RORC: variants seen among roughly 807,000 people sequenced by gnomAD.
The protein encoded by RORC is RAR related orphan receptor C, also known as nuclear receptor ROR-gamma.
Under a neutral mutation model 64.5 loss-of-function variants are expected in RORC, and 13 were observed. That is an observed-to-expected ratio of 0.20 (90% CI 0.13 to 0.32). The LOEUF (loss-of-function observed/expected upper bound fraction) is 0.32. Among genes scored for constraint, RORC ranks in the 10% least tolerant of loss-of-function variants. RORC has a pLI of 1.00. For missense variants in RORC, 468 were observed against 669.5 expected (o/e 0.70, Z 3.32); for synonymous variants, 277 against 259.3 (o/e 1.07, Z -0.65).
intron 2 of RORC, among the ~76,000 whole-genome samples, chr1:151,823,597 ATCT>A (rs1652077432): frequency 6.6e-6 from 1 of 151,730 alleles, no homozygotes; most frequent in Non-Finnish European, 1.5e-5. Context: ...GTGCCTTGTG[ATCT>A]TCTGCATTCC....
chr1:151,808,777 A>C (rs1651408767), intron 10 of RORC, among the ~76,000 whole-genome samples: 1 of 152,218 alleles, frequency 6.6e-6, no homozygotes, highest in South Asian at 2.1e-4. Context: ...TGTATCAGAT[A>C]ATAAGTTCTT....
chr1:151,810,829 G>A (rs537304417), intron 10 of RORC, among the ~76,000 whole-genome samples: 83 of 152,316 alleles, frequency 5.4e-4, no homozygotes, highest in African/African-American at 1.9e-3. Context: ...CACTGTGCCC[G>A]GCTGCTACAC....
chr1:151,807,658 G>A lies in RORC; in HGVS notation c.1396-25C>T. 6.2e-7 allele frequency: 1 copy of A among 1,612,734 alleles called. No individual in the cohort carries two copies. The highest frequency in any genetic ancestry group is 8.5e-7 in the Non-Finnish European group (1 of 1,179,144). On this transcript the variant is annotated intron_variant, in intron 10 of 10. Coordinates refer to ENST00000318247, the MANE Select transcript of RORC (RefSeq NM_005060.4). The surrounding 1 kb of genome is among the most constrained non-coding windows in gnomAD (Gnocchi z 5.0). ...GCTGGATATGGGTTAATGGGGAAGG[G>A]AGGGTCAATACTTCAGCTCTCCTCA...
Position 151,814,589 on chromosome 1 carries a change from A to G in RORC, c.918T>C (p.Thr306=), listed in dbSNP as rs764387593. ...CTGGCCTCACCTTCCTCTGGTAGCC[A>G]GTCACTTCCTCCCGGGAGAAGATGT... ...RSNIFSREEV[T]GYQRKSMWEM... is the part of the protein sequence containing the mutation. The change falls in exon 6 of 11, where the codon ACT becomes ACC. Residue 306 remains threonine, a synonymous_variant. Transcript: ENST00000318247. 1 of 1,612,430 alleles carries G rather than the reference A, an allele frequency of 6.2e-7. No individual in the cohort carries two copies. The highest frequency in any genetic ancestry group is 1.7e-5 in the Admixed American group (1 of 59,860).
rs908045143 is a variant in RORC at position 151,807,755 on chromosome 1, C to G, written c.1396-122G>C. On this transcript the variant is annotated intron_variant, in intron 10 of 10. Coordinates refer to ENST00000318247, the MANE Select transcript of RORC (RefSeq NM_005060.4). This position sits in a 1 kb window ranked among gnomAD's most constrained non-coding sequence, Gnocchi z 5.0. ...TTGCCTTCCCCTTATGTACTTGGCA[C>G]TTTGGCACCAGCCAAATCCCACTGG... is the stretch of plus-strand genomic sequence containing the variant. 1.9e-6 allele frequency: 2 copies of G among 1,044,664 alleles called. No homozygotes were observed. The highest frequency in any genetic ancestry group is 2.8e-6 in the Non-Finnish European group (2 of 725,988). 64.7% of individuals were successfully genotyped at this position (1,044,664 alleles called of 1,614,324 possible).
At chr1:151,824,495 C>G (rs897760940) in intron 2 of RORC, among the ~76,000 whole-genome samples, 5 of 152,218 alleles carry the variant, frequency 3.3e-5, no homozygotes, top group African/African-American at 1.2e-4. Context: ...AGAAGGGAAA[C>G]GGAAGCTCCA....
intron 4 of RORC, 74 bp downstream of exon 4, chr1:151,816,590 G>A (rs1651761322): frequency 2.1e-6 from 3 of 1,460,524 alleles, no homozygotes; most frequent in South Asian, 2.7e-5. Flanking sequence ...GTTAAGCCTT[G>A]TCTAGCTCAG....
chr1:151,818,228 C>A (rs528459983), intron 2 of RORC, among the ~76,000 whole-genome samples: 1 of 152,282 alleles, frequency 6.6e-6, no homozygotes, highest in South Asian at 2.1e-4. Flanking sequence ...TTTTCGGGTA[C>A]ACATTTCAGT....
At chr1:151,829,110 A>G (rs1197115680) in intron 2 of RORC, among the ~76,000 whole-genome samples, 1 of 113,182 alleles carries the variant, frequency 8.8e-6, no homozygotes, top group Non-Finnish European at 1.8e-5. Flanking sequence ...CCGGCCTGGC[A>G]GTCGGCCCCA....
intron 2 of RORC, among the ~76,000 whole-genome samples, chr1:151,820,229 C>A (rs548853348): frequency 7.0e-4 from 105 of 149,782 alleles, no homozygotes; most frequent in African/African-American, 2.6e-3. Flanking sequence ...GTGTGTGTTA[C>A]TTGTAGAGAA....
intron 2 of RORC, among the ~76,000 whole-genome samples, chr1:151,824,807 C>A (rs539441321): frequency 1.3e-5 from 2 of 152,332 alleles, no homozygotes; most frequent in Admixed American, 1.3e-4. Flanking sequence ...GGATGGTAGA[C>A]CAGGGCCCAG....
At chr1:151,820,258 A>G (rs1651937816) in intron 2 of RORC, among the ~76,000 whole-genome samples, 1 of 152,094 alleles carries the variant, frequency 6.6e-6, no homozygotes, top group African/African-American at 2.4e-5. Flanking sequence ...GGAGAACGGG[A>G]AGGGGGCTGG....
At chr1:151,829,403 T>C (rs1652321823) in intron 2 of RORC, 26 bp downstream of exon 2, 1 of 1,537,362 alleles carries the variant, frequency 6.5e-7, no homozygotes, top group East Asian at 2.6e-5. Flanking sequence ...CCCCAGCCAT[T>C]TTCTTGCCCC....
Position 151,813,584 on chromosome 1 carries a change from G to C in RORC, c.970C>G (p.Leu324Val). The C allele has an allele frequency of 6.2e-7, 1 of 1,614,204 alleles. No individual in the cohort carries two copies. The part of the protein sequence containing the change: ...WEMWERCAHH[L>V]TEAIQYVVEF... ...ACCACGTACTGAATGGCCTCGGTGA[G>C]GTGGTGGGCACACCGTTCCCACATC... The change falls in exon 7 of 11, where the codon CTC (leucine) becomes GTC (valine). Residue 324 changes from leucine (L) to valine (V), a missense_variant. Leu to Val is a conservative substitution (Grantham distance 32). Transcript: ENST00000318247.
chr1:151,828,096 G>A (rs1294151209), intron 2 of RORC, among the ~76,000 whole-genome samples: 1 of 152,190 alleles, frequency 6.6e-6, no homozygotes, highest in African/African-American at 2.4e-5. Flanking sequence ...CCACCCAGGA[G>A]GAGGTAGCAT....
chr1:151,811,276 C>T (rs979916220), intron 10 of RORC, 49 bp downstream of exon 10: 1 of 1,253,544 alleles, frequency 8.0e-7, no homozygotes. Context: ...TCTGATGTTA[C>T]AGAGCTAGCG....
intron 1 of RORC, among the ~76,000 whole-genome samples, chr1:151,831,318 G>C (rs923717790): frequency 1.3e-5 from 2 of 152,172 alleles, no homozygotes; most frequent in African/African-American, 4.8e-5. Context: ...GGCCACTGCT[G>C]TCTGGGGTCC....
intron 2 of RORC, among the ~76,000 whole-genome samples, chr1:151,824,928 T>C (rs1256425610): frequency 6.6e-6 from 1 of 152,218 alleles, no homozygotes; most frequent in South Asian, 2.1e-4. Context: ...GCCTCCCTTC[T>C]GTGGCTTGTG....
Position 151,831,704 on chromosome 1 carries a change from G to T in RORC, c.40+21C>A, listed in dbSNP as rs755104226. 2.5e-6 allele frequency: 4 copies of T among 1,610,896 alleles called. No individual in the cohort carries two copies. In the South Asian group the frequency reaches 4.4e-5, roughly 18 times the overall value. ...CTCCAGCAGTCTCTTCCACCTGCAGGCAGGGCCATGGGCCTCTTACCCCGT... is the reference window on the plus strand; with the variant it reads ...CTCCAGCAGTCTCTTCCACCTGCAGTCAGGGCCATGGGCCTCTTACCCCGT... On this transcript the variant is annotated intron_variant, in intron 1 of 10. Transcript: ENST00000318247.
Sources: allele counts gnomAD v4.1 joint callset (sites outside exome capture counted in the v4.1 genomes callset), GRCh38; gene constraint gnomAD v4.1.1; non-coding constraint Gnocchi (gnomAD v3.1); transcripts MANE v1.5; gene names NCBI Gene and HGNC (gene_info 2026-07-23, HGNC 2026-07-21).